DUXB: variants seen among roughly 807,000 people sequenced by gnomAD.
DUXB encodes the protein double homeobox protein B.
In DUXB, 22 loss-of-function variants were observed where a neutral mutation model predicts 8.9. The ratio of observed to expected loss-of-function variants is 2.46; its 90% CI spans 1.76 to 3.52. The LOEUF (loss-of-function observed/expected upper bound fraction) is 3.52. Ranked by LOEUF, DUXB falls within the 30% of genes most tolerant of loss-of-function variation. DUXB has a pLI of 0.00. For synonymous variants in DUXB, 84 were observed against 37.6 expected, an observed-to-expected ratio of 2.23 and a Z score of -4.52; for missense variants, 237 against 108.7, an observed-to-expected ratio of 2.18 and a Z score of -5.25.
At chr16:75,697,555 CT>C (rs1567522298) in intron 2 of DUXB, among the ~76,000 whole-genome samples, 1 of 152,172 alleles carries the variant, frequency 6.6e-6, no homozygotes, top group African/African-American at 2.4e-5. Context: ...TTCCTCATTA[CT>C]AGAGTCAGAA....
Position 75,694,668 on chromosome 16 carries a change from G to T in DUXB, c.442-143C>A. 4.9e-6 allele frequency: 3 copies of T among 612,014 alleles called. 1 individual carries two copies. The highest frequency in any genetic ancestry group is 5.6e-5 in the East Asian group (2 of 35,724). The allele number at this position is 612,014 out of a possible 1,614,324, so 37.9% of individuals were successfully genotyped here. ...TAGAGTTGGCTCTCTGAATCCATGG[G>T]TTCCATCTGTATACCCTGATTCAAA... On this transcript the variant is annotated intron_variant, in intron 4 of 4. Coordinates refer to ENST00000633875, the MANE Select transcript of DUXB (RefSeq NM_001351307.2).
intron 3 of DUXB, 78 bp downstream of exon 3, chr16:75,696,760 C>G (rs2082610808): frequency 1.6e-6 from 1 of 636,442 alleles, no homozygotes. Flanking sequence ...CCAGCTATCC[C>G]TGGCTTCTGA....
rs948321431 is a variant in DUXB, at chr16:75,694,475, C to T, written c.492G>A (p.Glu164=). 4.6e-5 allele frequency: 32 copies of T among 702,952 alleles called. No homozygotes were observed. The Admixed American group carries it at 5.6e-4, about 12-fold the overall frequency. 43.5% of individuals were successfully genotyped at this position (702,952 alleles called of 1,614,324 possible). Reference sequence around the variant, plus strand: ...GGTCGTCTACCAATAAATTCATGGGCTCCATTCTGCTCTTCTTGAGGTACA... The same window carrying T: ...GGTCGTCTACCAATAAATTCATGGGTTCCATTCTGCTCTTCTTGAGGTACA... ...RSLYLKKSRM[E]PMNLLVDDPN... is the part of the protein sequence containing the mutation. Residue 164 remains glutamate (E), a synonymous_variant, in exon 5 of 5, where the codon GAG becomes GAA. Coordinates refer to ENST00000633875, the MANE Select transcript of DUXB (RefSeq NM_001351307.2).
At chr16:75,694,993 A>C (rs2151831886) in intron 4 of DUXB, among the ~76,000 whole-genome samples, 1 of 152,196 alleles carries the variant, frequency 6.6e-6, no homozygotes, top group Non-Finnish European at 1.5e-5. Context: ...ATGTATGTAC[A>C]TATGTTTGTT....
At chr16:75,695,393 T>G (rs1567521377) in intron 4 of DUXB, among the ~76,000 whole-genome samples, 1 of 152,248 alleles carries the variant, frequency 6.6e-6, no homozygotes, top group Non-Finnish European at 1.5e-5. Context: ...CAAATAAATG[T>G]ATTTGAGAGT....
chr16:75,695,922 C>T (rs2082602332), intron 4 of DUXB, 39 bp downstream of exon 4: 1 of 701,808 alleles, frequency 1.4e-6, no homozygotes, highest in Non-Finnish European at 2.6e-6. Context: ...GGCAGTATCA[C>T]AGGCAGGACA....
chr16:75,700,937 C>T lies in DUXB; in HGVS notation c.25+457G>A, dbSNP rs193095040. Among the ~76,000 whole-genome samples, 161 of 151,892 alleles carry T rather than the reference C, an allele frequency of 1.1e-3. 1 individual carries two copies. Among genetic ancestry groups the T allele is most frequent in the African/African-American group, 3.7e-3 (152 of 41,408 alleles). Reference sequence around the variant, plus strand: ...CCTAAGTTTCCAAAGAGAGAACTTACGGAAAATGTACAAAATTACCAAAAG... The same window carrying T: ...CCTAAGTTTCCAAAGAGAGAACTTATGGAAAATGTACAAAATTACCAAAAG... On this transcript the variant is annotated intron_variant, in intron 1 of 4. Coordinates refer to ENST00000633875, the MANE Select transcript of DUXB (RefSeq NM_001351307.2).
chr16:75,696,488 T>C (rs576543721), intron 3 of DUXB, among the ~76,000 whole-genome samples: 86 of 152,216 alleles, frequency 5.6e-4, no homozygotes, highest in Non-Finnish European at 1.0e-3. Context: ...GAGGCAGAGG[T>C]TGCAGTGAGC....
At chr16:75,696,789 A>G (rs2082611034) in intron 3 of DUXB, 49 bp downstream of exon 3, 2 of 678,514 alleles carry the variant, frequency 2.9e-6, no homozygotes, top group South Asian at 3.2e-5. Context: ...ATGTTGATGC[A>G]GAATTTGGGC....
intron 1 of DUXB, among the ~76,000 whole-genome samples, 181 bp downstream of exon 1, chr16:75,701,213 C>G (rs1959208163): frequency 6.6e-6 from 1 of 152,196 alleles, no homozygotes; most frequent in Non-Finnish European, 1.5e-5. Context: ...ATTTCAAATT[C>G]AAGAGTCCAA....
chr16:75,697,254 C>A (rs886707988), intron 2 of DUXB, among the ~76,000 whole-genome samples: 23 of 152,182 alleles, frequency 1.5e-4, no homozygotes, highest in Non-Finnish European at 2.8e-4. Flanking sequence ...CTCTTTCCCT[C>A]CCTCCTAGCA....
rs758921176 is a variant in DUXB at position 75,695,995 on chromosome 16, G to C, written c.407C>G (p.Ala136Gly). ...FPDIATRKKLAEQTGLQESRI... is the reference protein window; with the variant it reads ...FPDIATRKKLGEQTGLQESRI... ...TGATTCCTGCAGGCCTGTTTGTTCA[G>C]CCAGTTTTTTTCTGGTAGCAATATC... is the stretch of plus-strand genomic sequence containing the variant. The change falls in exon 4 of 5, where the codon GCT becomes GGT. Residue 136 changes from alanine to glycine, a missense_variant. Ala to Gly is a moderately conservative substitution (Grantham distance 60, BLOSUM62 0). Transcript: ENST00000633875. 1.7e-5 allele frequency: 12 copies of C among 702,974 alleles called. No individual in the cohort carries two copies. Among genetic ancestry groups the C allele is most frequent in the South Asian group, 1.6e-4 (11 of 67,604 alleles). 43.5% of individuals were successfully genotyped at this position (702,974 alleles called of 1,614,324 possible). A position where few individuals can be genotyped will look rare whatever the true frequency, so the allele number is the denominator to read the frequency against.
At chr16:75,699,962 C>G (rs370635131) in intron 2 of DUXB, 53 bp downstream of exon 2, 3 of 637,494 alleles carry the variant, frequency 4.7e-6, no homozygotes, top group Admixed American at 2.6e-5. Flanking sequence ...TGGGCCTAGT[C>G]TTTCTCTTTA....
rs1959201589 is a variant in DUXB at position 75,700,014 on chromosome 16, C to T, written c.180+1G>A. The T allele has an allele frequency of 1.4e-6, 1 of 697,054 alleles. No homozygotes were observed. Among genetic ancestry groups the T allele is most frequent in the African/African-American group, 1.8e-5 (1 of 57,026 alleles). 43.2% of individuals were successfully genotyped at this position (697,054 alleles called of 1,614,324 possible). A position where few individuals can be genotyped will look rare whatever the true frequency, so the allele number is the denominator to read the frequency against. ...TAATGAAGTAGAAATCTAATGCCTACCTGAATATTAGATTCTGGAACCCCA... is the reference window on the plus strand; with the variant it reads ...TAATGAAGTAGAAATCTAATGCCTATCTGAATATTAGATTCTGGAACCCCA... On this transcript the variant is annotated splice_donor_variant, in intron 2 of 4. Coordinates refer to ENST00000633875, the MANE Select transcript of DUXB (RefSeq NM_001351307.2). LOFTEE classifies it high-confidence loss of function.
chr16:75,697,054 C>T lies in DUXB; in HGVS notation c.181-111G>A, dbSNP rs1238504872. On this transcript the variant is annotated intron_variant, in intron 2 of 4. Coordinates refer to ENST00000633875, the MANE Select transcript of DUXB (RefSeq NM_001351307.2). ...TTGACTGCCTGTGGCTGGAATAATG[C>T]CCACAAGAGAAAGGCAATCCATTAT... 12 of 623,730 alleles carry T rather than the reference C, an allele frequency of 1.9e-5. No individual in the cohort carries two copies. In the East Asian group the frequency reaches 2.5e-4, roughly 13 times the overall value. 38.6% of individuals were successfully genotyped at this position (623,730 alleles called of 1,614,324 possible).
At chr16:75,699,039 T>G (rs981461585) in intron 2 of DUXB, among the ~76,000 whole-genome samples, 5 of 151,868 alleles carry the variant, frequency 3.3e-5, no homozygotes, top group African/African-American at 7.3e-5. Context: ...AGAGATGGGG[T>G]TTTACTGTGT....
intron 2 of DUXB, among the ~76,000 whole-genome samples, chr16:75,697,424 A>G (rs1417584639): frequency 6.6e-6 from 1 of 152,234 alleles, no homozygotes; most frequent in Admixed American, 6.5e-5. Flanking sequence ...AACACTTATC[A>G]GTATTTCCTC....
chr16:75,696,438 G>A (rs1417788175), intron 3 of DUXB, among the ~76,000 whole-genome samples: 1 of 152,220 alleles, frequency 6.6e-6, no homozygotes, highest in Non-Finnish European at 1.5e-5. Context: ...TGTAGTTCCA[G>A]CTACTTGGGA....
At position 75,700,031 on chromosome 16, in the gene DUXB, G is replaced by A. The variant is rs1244367511; in HGVS notation, c.164C>T (p.Pro55Leu). The A allele has an allele frequency of 2.9e-6, 2 of 699,502 alleles. No homozygotes were observed. Among genetic ancestry groups the A allele is most frequent in the East Asian group, 5.4e-5 (2 of 37,236 alleles). The allele number at this position is 699,502 out of a possible 1,614,324, so 43.3% of individuals were successfully genotyped here. ...REQLAKEIGV[P>L]ESNIQVWFKN... Reference sequence around the variant, plus strand: ...AATGCCTACCTGAATATTAGATTCTGGAACCCCAATTTCTTTGGCCAGTTG... The same window carrying A: ...AATGCCTACCTGAATATTAGATTCTAGAACCCCAATTTCTTTGGCCAGTTG... The change falls in exon 2 of 5, where the codon CCA becomes CTA. Residue 55 changes from proline to leucine, a missense_variant. Coordinates refer to ENST00000633875, the MANE Select transcript of DUXB (RefSeq NM_001351307.2).
Sources: allele counts gnomAD v4.1 joint callset (sites outside exome capture counted in the v4.1 genomes callset), GRCh38; gene constraint gnomAD v4.1.1; transcripts MANE v1.5; gene names NCBI Gene and HGNC (gene_info 2026-07-23, HGNC 2026-07-21).